The following DNAH14 variants were observed in gnomAD, a reference collection of about 807,000 sequenced individuals.
DNAH14 encodes the protein dynein axonemal heavy chain 14.
In DNAH14, 478 loss-of-function variants were observed where a neutral mutation model predicts 520.9. The observed-to-expected ratio is 0.92, with a 90% confidence interval of 0.85 to 0.99. The LOEUF is 0.99. DNAH14 is among the 50% of genes least tolerant of loss of function. The probability of loss-of-function intolerance (pLI) is 0.00; values close to 1 mark genes in which losing one functional copy is unlikely to be tolerated. For synonymous variants in DNAH14, 1,581 were observed against 1,757.2 expected (o/e 0.90, Z 2.51); for missense variants, 4,831 against 5,234.5 (o/e 0.92, Z 2.38).
chr1:225,097,376 G>A (rs2075081421), intron 22 of DNAH14, 137 bp downstream of exon 22: 9 of 795,394 alleles, frequency 1.1e-5, no homozygotes, highest in Non-Finnish European at 1.6e-5. Flanking sequence ...ATAATTTGCT[G>A]AATCATTATT....
At chr1:225,305,333 G>A (rs781504057) in intron 58 of DNAH14, among the ~76,000 whole-genome samples, 13 of 152,150 alleles carry the variant, frequency 8.5e-5, no homozygotes, top group African/African-American at 1.4e-4. Context: ...GTTGGATTCC[G>A]ACAGTTTATT....
chr1:225,302,164 C>T (rs985407345), intron 56 of DNAH14, among the ~76,000 whole-genome samples: 3 of 148,554 alleles, frequency 2.0e-5, no homozygotes, highest in Non-Finnish European at 4.5e-5. Flanking sequence ...TGCTATGCTT[C>T]TAAAAGTAAT....
intron 64 of DNAH14, among the ~76,000 whole-genome samples, chr1:225,330,592 G>A (rs2094775193): frequency 6.6e-6 from 1 of 152,110 alleles, no homozygotes; most frequent in Admixed American, 6.6e-5. Flanking sequence ...TTATTTGTGG[G>A]ATCGAAAAAT....
chr1:225,333,502 A>C lies in DNAH14; in HGVS notation c.10076A>C (p.Tyr3359Ser). 6.5e-7 allele frequency: 1 copy of C among 1,549,044 alleles called. No individual in the cohort carries two copies. Among genetic ancestry groups the C allele is most frequent in the Non-Finnish European group, 8.7e-7 (1 of 1,145,174 alleles). The change falls in exon 66 of 86, where the codon TAT becomes TCT. Residue 3359 changes from tyrosine (Y) to serine (S), a missense_variant. Tyr to Ser is a moderately radical substitution (Grantham distance 144). Transcript: ENST00000682510. ...FSLIKVMAQK[Y>S]EISRWHNQGL... ...TTAATTAAAGTTATGGCACAAAAAT[A>C]TGAGGTAATAACATATTTCTATTAT... is the stretch of plus-strand genomic sequence containing the variant.
chr1:225,147,723 T>G (rs775420371), intron 31 of DNAH14, among the ~76,000 whole-genome samples: 3 of 152,146 alleles, frequency 2.0e-5, no homozygotes, highest in Non-Finnish European at 4.4e-5. Flanking sequence ...ATGTACAGAT[T>G]ATTTAATCAC....
At position 225,277,443 on chromosome 1, in the gene DNAH14, AT is replaced by A. The variant is rs1335987096; in HGVS notation, c.8213del (p.Ile2738LysfsTer5). On this transcript the variant is annotated frameshift_variant, in exon 54 of 86. Transcript: ENST00000682510. LOFTEE classifies it high-confidence loss of function. ...SHSMVFFKEAIEHIIRATRVL... is the reference protein window; with the variant it reads ...SHSMVFFKEAXEHIIRATRVL... ...TTCCATGGTGTTCTTCAAGGAAGCC[AT>A]AGAACACATCATAAGAGCAACAAGG... 1 of 470,992 alleles carries A rather than the reference AT, an allele frequency of 2.1e-6. No individual in the cohort carries two copies. 29.2% of individuals were successfully genotyped at this position (470,992 alleles called of 1,614,324 possible).
intron 17 of DNAH14, among the ~76,000 whole-genome samples, chr1:225,064,491 T>C (rs2070597266): frequency 6.6e-6 from 1 of 151,848 alleles, no homozygotes; most frequent in South Asian, 2.1e-4. Context: ...TATTTGCAAT[T>C]GCCAAAACCT....
chr1:225,343,578 T>C (rs887407408), intron 69 of DNAH14, among the ~76,000 whole-genome samples: 6 of 152,226 alleles, frequency 3.9e-5, no homozygotes, highest in African/African-American at 7.2e-5. Context: ...AAAAAAGAGC[T>C]TAATTATATT....
intron 75 of DNAH14, among the ~76,000 whole-genome samples, chr1:225,363,971 C>T (rs2095523667): frequency 6.6e-6 from 1 of 152,128 alleles, no homozygotes; most frequent in Non-Finnish European, 1.5e-5. Flanking sequence ...CTGGTTGAAT[C>T]CATGGATGTG....
rs1328112533 is a variant in DNAH14 at position 225,335,687 on chromosome 1, A to G, written c.10081-1579A>G. Among the ~76,000 whole-genome samples, 22 of 109,542 alleles carry G rather than the reference A, an allele frequency of 2.0e-4. 5 individuals are homozygous for G. Among genetic ancestry groups the G allele is most frequent in the Admixed American group, 7.4e-4 (9 of 12,136 alleles). 71.9% of individuals were successfully genotyped at this position (109,542 alleles called of 152,430 possible). ...CATATGTGCATATATGTATATACGC[A>G]TATATACATATGTGCATATATGTAT... On this transcript the variant is annotated intron_variant, in intron 66 of 85. Coordinates refer to ENST00000682510, the MANE Select transcript of DNAH14 (RefSeq NM_001367479.1).
At chr1:225,305,462 C>T (rs932040967) in intron 58 of DNAH14, among the ~76,000 whole-genome samples, 4 of 152,118 alleles carry the variant, frequency 2.6e-5, no homozygotes, top group African/African-American at 4.8e-5. Context: ...AGTGGAACAC[C>T]TACTAAGCAG....
chr1:225,118,505 G>A (rs1320186334), intron 25 of DNAH14, among the ~76,000 whole-genome samples: 1 of 152,134 alleles, frequency 6.6e-6, no homozygotes, highest in Non-Finnish European at 1.5e-5. Context: ...AAGTGGTCCT[G>A]ATGTAAGTTG....
chr1:225,331,383 G>A, intron 64 of DNAH14, 54 bp from the exon 65 acceptor site: 1 of 1,514,466 alleles, frequency 6.6e-7, no homozygotes, highest in Non-Finnish European at 8.9e-7. Flanking sequence ...CTAAAGTCTT[G>A]AAGCAAAATG....
intron 42 of DNAH14, among the ~76,000 whole-genome samples, chr1:225,236,972 G>A (rs1005040619): frequency 2.0e-5 from 3 of 151,722 alleles, no homozygotes; most frequent in African/African-American, 2.4e-5. Flanking sequence ...TATCTTTGTT[G>A]GTTTAAAATC....
chr1:225,377,179 A>G (rs776852117), intron 78 of DNAH14, 58 bp from the exon 79 acceptor site: 8 of 1,333,636 alleles, frequency 6.0e-6, no homozygotes, highest in East Asian at 2.8e-5. Flanking sequence ...AAAAACCAAC[A>G]AAGTGTTCAG....
rs2094128845 is a variant in DNAH14, at chr1:225,301,015, T to C, written c.8616T>C (p.Leu2872=). 1 of 1,548,114 alleles carries C rather than the reference T, an allele frequency of 6.5e-7. No homozygotes were observed. Among genetic ancestry groups the C allele is most frequent in the African/African-American group, 1.4e-5 (1 of 72,946 alleles). The part of the protein sequence containing the change: ...SGHMDNRQSL[L]SFFQKRIYKN... ...ATATGGATAATAGGCAATCTTTACT[T>C]TCATTCTTTCAAAAGGTACTTTTTT... The change falls in exon 56 of 86, where the codon CTT becomes CTC. Residue 2872 remains leucine, a synonymous_variant. Coordinates refer to ENST00000682510, the MANE Select transcript of DNAH14 (RefSeq NM_001367479.1).
chr1:225,006,696 G>A (rs370184749), intron 9 of DNAH14, among the ~76,000 whole-genome samples: 1 of 152,188 alleles, frequency 6.6e-6, no homozygotes, highest in Non-Finnish European at 1.5e-5. Context: ...GACAATGCAT[G>A]CCCAGTGGGA....
rs768267911 is a variant in DNAH14 at position 225,023,902 on chromosome 1, A to G, written c.1358+37A>G. 2.9e-5 allele frequency: 44 copies of G among 1,492,632 alleles called. No homozygotes were observed. The South Asian group carries it at 3.1e-4, about 10-fold the overall frequency. The allele number at this position is 1,492,632 out of a possible 1,614,324, so 92.5% of individuals were successfully genotyped here. A position where few individuals can be genotyped will look rare whatever the true frequency, so the allele number is the denominator to read the frequency against. ...TTTTGAAGTCAAAAAGTAACTTACA[A>G]TTATAATATTTTAACATTGCCACAT... On this transcript the variant is annotated intron_variant, in intron 11 of 85. Transcript: ENST00000682510.
intron 36 of DNAH14, among the ~76,000 whole-genome samples, chr1:225,176,133 T>G (rs2083308295): frequency 6.6e-6 from 1 of 152,156 alleles, no homozygotes; most frequent in Admixed American, 6.5e-5. Context: ...TCCTATTGGT[T>G]TAGGTATGTG....
Sources: allele counts gnomAD v4.1 joint callset (sites outside exome capture counted in the v4.1 genomes callset), GRCh38; gene constraint gnomAD v4.1.1; transcripts MANE v1.5; gene names NCBI Gene and HGNC (gene_info 2026-07-23, HGNC 2026-07-21).